The following CEP128 variants were observed in gnomAD, a reference collection of about 807,000 sequenced individuals.
The protein encoded by CEP128 is centrosomal protein 128, also known as centrosomal protein 128kDa.
CEP128 carries 132 observed loss-of-function variants against 156.7 expected under a neutral mutation model. The ratio of observed to expected loss-of-function variants is 0.84; its 90% CI spans 0.73 to 0.97. The LOEUF (loss-of-function observed/expected upper bound fraction) is 0.97, where lower values mean the gene tolerates loss of function less well. CEP128 is among the 50% of genes least tolerant of loss of function. The pLI is 0.00. For synonymous variants in CEP128, 469 were observed against 448.9 expected, an observed-to-expected ratio of 1.04 and a Z score of -0.57; for missense variants, 1,252 against 1,281.9, an observed-to-expected ratio of 0.98 and a Z score of 0.36.
chr14:80,889,477 A>G (rs145868149), intron 8 of CEP128, among the ~76,000 whole-genome samples: 121 of 152,322 alleles, frequency 7.9e-4, no homozygotes, highest in Admixed American at 1.7e-3. Flanking sequence ...AACACCACAC[A>G]TCTACAACCA....
At chr14:80,817,397 T>C (rs1333255550) in intron 13 of CEP128, among the ~76,000 whole-genome samples, 2 of 152,182 alleles carry the variant, frequency 1.3e-5, no homozygotes, top group Non-Finnish European at 2.9e-5. Context: ...AGCCTTTGAA[T>C]GGGCCTACAT....
chr14:80,951,738 C>T (rs1269631555), intron 2 of CEP128, among the ~76,000 whole-genome samples: 1 of 151,972 alleles, frequency 6.6e-6, no homozygotes, highest in Non-Finnish European at 1.5e-5. Flanking sequence ...AAGCAAGACC[C>T]AACTCTATGC....
chr14:80,632,126 A>G (rs1893986769), intron 19 of CEP128, among the ~76,000 whole-genome samples: 1 of 152,108 alleles, frequency 6.6e-6, no homozygotes, highest in Admixed American at 6.5e-5. Context: ...AGCATATTCC[A>G]TAATAATTAA....
chr14:80,777,004 G>A (rs1900828875), intron 16 of CEP128, among the ~76,000 whole-genome samples: 1 of 152,124 alleles, frequency 6.6e-6, no homozygotes, highest in South Asian at 2.1e-4. Flanking sequence ...TGAGCCTGGT[G>A]GGGATGTACC....
chr14:80,618,704 C>T (rs1893334439), intron 19 of CEP128, among the ~76,000 whole-genome samples: 2 of 152,318 alleles, frequency 1.3e-5, no homozygotes, highest in South Asian at 2.1e-4. Context: ...TTGAATGAGA[C>T]AGGACACTGG....
intron 8 of CEP128, among the ~76,000 whole-genome samples, chr14:80,873,318 A>G (rs1330328508): frequency 6.6e-6 from 1 of 152,236 alleles, no homozygotes; most frequent in African/African-American, 2.4e-5. Context: ...CTCTGAATTC[A>G]GCTAACTGCT....
At chr14:80,531,716 T>C (rs978113183) in intron 21 of CEP128, among the ~76,000 whole-genome samples, 4 of 152,218 alleles carry the variant, frequency 2.6e-5, no homozygotes, top group Non-Finnish European at 4.4e-5. Context: ...ATAAACCCTA[T>C]GGCTGACGCA....
chr14:80,956,253 T>G (rs902144591), intron 2 of CEP128, among the ~76,000 whole-genome samples: 1 of 152,214 alleles, frequency 6.6e-6, no homozygotes, highest in African/African-American at 2.4e-5. Flanking sequence ...AAAATATGTA[T>G]TTCTCCTTTT....
intron 19 of CEP128, among the ~76,000 whole-genome samples, chr14:80,722,839 T>C: frequency 6.7e-6 from 1 of 148,406 alleles, no homozygotes; most frequent in Non-Finnish European, 1.5e-5. Flanking sequence ...TTTTTTTTTT[T>C]TTTTGAGACG....
intron 20 of CEP128, among the ~76,000 whole-genome samples, chr14:80,577,331 G>C (rs113509947): frequency 6.6e-6 from 1 of 152,214 alleles, no homozygotes; most frequent in African/African-American, 2.4e-5. Context: ...AACACCTTCT[G>C]AGCTCCAGAC....
chr14:80,955,807 G>C (rs1886638900), intron 2 of CEP128: 1 of 1,614,204 alleles, frequency 6.2e-7, no homozygotes, highest in East Asian at 2.2e-5. Context: ...CACCTGCAAG[G>C]ATATTCAACG....
chr14:80,510,489 T>G (rs1435003639), intron 23 of CEP128, among the ~76,000 whole-genome samples: 2 of 152,080 alleles, frequency 1.3e-5, no homozygotes, highest in Non-Finnish European at 2.9e-5. Flanking sequence ...ATTTACTGAA[T>G]TGGTTTATCA....
chr14:80,712,376 T>C (rs1185025694), intron 19 of CEP128, among the ~76,000 whole-genome samples: 1 of 152,144 alleles, frequency 6.6e-6, no homozygotes, highest in Non-Finnish European at 1.5e-5. Flanking sequence ...TCCAGCACCC[T>C]ATGTGGCTCA....
At chr14:80,595,922 C>G (rs1468818832) in intron 19 of CEP128, among the ~76,000 whole-genome samples, 1 of 151,996 alleles carries the variant, frequency 6.6e-6, no homozygotes, top group East Asian at 1.9e-4. Context: ...ATCACCAGAA[C>G]AGCATGGGAA....
At chr14:80,840,886 T>C in intron 9 of CEP128, 118 bp from the exon 10 acceptor site, 1 of 658,680 alleles carries the variant, frequency 1.5e-6, no homozygotes, top group Non-Finnish European at 2.7e-6. Context: ...ACACAAAATC[T>C]ATAAATTACA....
intron 19 of CEP128, among the ~76,000 whole-genome samples, chr14:80,650,109 T>C (rs543145358): frequency 1.3e-5 from 2 of 152,328 alleles, no homozygotes; most frequent in African/African-American, 4.8e-5. Flanking sequence ...TGGTTTGTAG[T>C]TCTCCTTGAA....
chr14:80,539,593 A>C (rs1889648231), intron 21 of CEP128, among the ~76,000 whole-genome samples: 1 of 152,190 alleles, frequency 6.6e-6, no homozygotes. Context: ...TTGATTGTAA[A>C]ACATGTGTGT....
At chr14:80,581,576 C>T (rs915277551) in intron 19 of CEP128, among the ~76,000 whole-genome samples, 1 of 152,124 alleles carries the variant, frequency 6.6e-6, no homozygotes, top group East Asian at 1.9e-4. Context: ...GAGTGGTAAG[C>T]AATCTCCTGA....
At chr14:80,655,929 A>C (rs2619663) in intron 19 of CEP128, among the ~76,000 whole-genome samples, 152,224 of 152,224 alleles carry the variant, frequency 1, 76,112 homozygotes, top group Non-Finnish European at 1. Context: ...CTCATTTAGG[A>C]TAGTTTGAGT....
Sources: gnomAD v4.1 joint callset for allele counts (sites outside exome capture counted in the v4.1 genomes callset) on GRCh38, gnomAD v4.1.1 for gene constraint, MANE v1.5 for transcripts, NCBI Gene and HGNC (gene_info 2026-07-23, HGNC 2026-07-21) for gene names.